The following RACGAP1 variants were observed in gnomAD, a reference collection of about 807,000 sequenced individuals.
RACGAP1 encodes the protein rac GTPase-activating protein 1.
Under a neutral mutation model 78.1 loss-of-function variants are expected in RACGAP1, and 30 were observed. That is an observed-to-expected ratio of 0.38 (90% confidence interval 0.29 to 0.52). The LOEUF is 0.52. Ranked by LOEUF, RACGAP1 falls within the 20% of genes least tolerant of loss-of-function variation. RACGAP1 has a pLI of 0.82. For synonymous variants in RACGAP1, 231 were observed against 264.8 expected (o/e 0.87, Z 1.24); for missense variants, 587 against 777.1 (o/e 0.76, Z 2.91).
At chr12:50,012,570 A>T (rs12297095) in intron 2 of RACGAP1, among the ~76,000 whole-genome samples, 6,349 of 151,266 alleles carry the variant, frequency 0.042, 407 homozygotes, top group African/African-American at 0.14. Context: ...TCAAAAAAAT[A>T]AAAAAAATAA....
At chr12:50,015,042 CAA>C (rs35573059) in intron 2 of RACGAP1, among the ~76,000 whole-genome samples, 6 of 120,980 alleles carry the variant, frequency 5.0e-5, no homozygotes, top group African/African-American at 6.5e-5. Context: ...GATTCTGTCT[CAA>C]AAAAAAAAAA....
chr12:50,029,182 C>T (rs1404588113), upstream of RACGAP1, among the ~76,000 whole-genome samples: 2 of 148,100 alleles, frequency 1.4e-5, no homozygotes, highest in Non-Finnish European at 3.0e-5. Context: ...CGCCACTGCA[C>T]TCCAGCCTGG....
At chr12:50,022,496 C>T (rs12319391) in intron 1 of RACGAP1, among the ~76,000 whole-genome samples, 9,350 of 152,068 alleles carry the variant, frequency 0.061, 971 homozygotes, top group African/African-American at 0.21. Context: ...GCAGGAGAAT[C>T]GCTTGAACCC....
chr12:50,004,713 C>T (rs1948871554), intron 4 of RACGAP1, among the ~76,000 whole-genome samples: 1 of 152,208 alleles, frequency 6.6e-6, no homozygotes, highest in African/African-American at 2.4e-5. Flanking sequence ...GAAATTAAGC[C>T]TGTACATCTT....
chr12:50,024,298 TAGAC>T (rs1950167622), intron 1 of RACGAP1, among the ~76,000 whole-genome samples: 2 of 152,298 alleles, frequency 1.3e-5, no homozygotes, highest in East Asian at 1.9e-4. Flanking sequence ...ATGTAATATA[TAGAC>T]AGACATACAC....
chr12:50,018,668 T>A, intron 1 of RACGAP1: 1 of 774,186 alleles, frequency 1.3e-6, no homozygotes, highest in East Asian at 6.5e-5. Context: ...TTCACTTATA[T>A]ATCGTGAGAC....
exon 2 of RACGAP1, chr12:50,031,736 C>G: frequency 1.0e-6 from 1 of 985,374 alleles, no homozygotes; most frequent in African/African-American, 1.7e-5. Flanking sequence ...TGCCTGGGTC[C>G]GTGCCTTTGG....
At chr12:50,021,250 T>C (rs1407694395) in intron 1 of RACGAP1, 2 of 377,586 alleles carry the variant, frequency 5.3e-6, no homozygotes, top group Non-Finnish European at 7.3e-6. Flanking sequence ...CAGCTGTCAC[T>C]TTCCACAACA....
chr12:50,018,475 A>G (rs577386856), intron 1 of RACGAP1: 544 of 1,140,482 alleles, frequency 4.8e-4, no homozygotes, highest in Non-Finnish European at 5.1e-4. Flanking sequence ...GAATTCATGG[A>G]GATGCCATGG....
chr12:49,994,899 GAAGA>G (rs1948148488), intron 10 of RACGAP1, among the ~76,000 whole-genome samples: 2 of 151,708 alleles, frequency 1.3e-5, no homozygotes. Context: ...TTTTCTAACA[GAAGA>G]AAGCTGGAAC....
chr12:50,015,553 G>A (rs1012063442), intron 2 of RACGAP1, among the ~76,000 whole-genome samples: 1 of 152,100 alleles, frequency 6.6e-6, no homozygotes, highest in Non-Finnish European at 1.5e-5. Flanking sequence ...TGTAATCCCA[G>A]CACTTTGGGA....
intron 11 of RACGAP1, 36 bp downstream of exon 11, chr12:49,994,378 A>G (rs1374894588): frequency 6.2e-7 from 1 of 1,612,958 alleles, no homozygotes; most frequent in East Asian, 2.2e-5. Context: ...ATTAACACAA[A>G]TAACAAATTC....
chr12:49,996,606 A>G (rs947536914), intron 10 of RACGAP1, among the ~76,000 whole-genome samples: 2 of 123,594 alleles, frequency 1.6e-5, no homozygotes, highest in Non-Finnish European at 3.2e-5. Flanking sequence ...CTGCCAGTGC[A>G]CTCCAGCCTA....
rs1439721151 is a variant in RACGAP1 at position 49,990,795 on chromosome 12, T to C, written c.1715-3A>G. On this transcript the variant is annotated splice_region_variant and splice_polypyrimidine_tract_variant and intron_variant, in intron 15 of 16. Transcript: ENST00000312377. ...GGTCACAGGTCCCAGTAAACTCACTTCAAAGTTCAGACATATTTTTAAGAG... is the reference window on the plus strand; with the variant it reads ...GGTCACAGGTCCCAGTAAACTCACTCCAAAGTTCAGACATATTTTTAAGAG... 6.2e-7 allele frequency: 1 copy of C among 1,607,514 alleles called. No individual in the cohort carries two copies. The highest frequency in any genetic ancestry group is 2.2e-5 in the East Asian group (1 of 44,834).
chr12:50,017,690 GA>G (rs1347145595), intron 1 of RACGAP1, among the ~76,000 whole-genome samples: 1 of 152,146 alleles, frequency 6.6e-6, no homozygotes. Context: ...ACCATTAAAG[GA>G]TTCTTGTGTT....
At chr12:49,991,457 T>TTTATATATATATATATATATA (rs1345935711) in intron 15 of RACGAP1, among the ~76,000 whole-genome samples, 1 of 27,402 alleles carries the variant, frequency 3.6e-5, no homozygotes, top group Non-Finnish European at 8.7e-5. Context: ...ATTTAAACTA[T>TTTATATATATATATATATATA]TATATATATA....
chr12:50,018,555 G>T (rs992665179), intron 1 of RACGAP1: 297 of 1,288,742 alleles, frequency 2.3e-4, no homozygotes, highest in Non-Finnish European at 2.8e-4. Flanking sequence ...AGGACATTGG[G>T]TAGTCAATTC....
At chr12:50,032,596 C>T (rs942362431) in intron 1 of RACGAP1, among the ~76,000 whole-genome samples, 1 of 147,094 alleles carries the variant, frequency 6.8e-6, no homozygotes, top group Non-Finnish European at 1.5e-5. Context: ...GCGCGGGTTC[C>T]TAACTCCCTT....
chr12:49,997,641 G>A lies in RACGAP1; in HGVS notation c.880-437C>T, dbSNP rs545145443. ...CAGGCTGGAGTGCAATGGCGTGGTA[G>A]AGGTTGGCTCACTGCAACCTCCACC... is the stretch of plus-strand genomic sequence containing the variant. On this transcript the variant is annotated intron_variant, in intron 9 of 16. Transcript: ENST00000312377. Among the ~76,000 whole-genome samples, 3 of 151,292 alleles carry A rather than the reference G, an allele frequency of 2.0e-5. No homozygotes were observed. The East Asian group carries it at 5.9e-4, about 30-fold the overall frequency.
Sources: allele counts gnomAD v4.1 joint callset (sites outside exome capture counted in the v4.1 genomes callset), GRCh38; gene constraint gnomAD v4.1.1; transcripts MANE v1.5; gene names NCBI Gene and HGNC (gene_info 2026-07-23, HGNC 2026-07-21).